Variants in MGAT4C observed in about 807,000 individuals in gnomAD.
MGAT4C encodes the protein alpha-1,3-mannosyl-glycoprotein 4-beta-N-acetylglucosaminyltransferase C.
MGAT4C carries 19 observed loss-of-function variants against 40.1 expected under a neutral mutation model. The ratio of observed to expected loss-of-function variants is 0.47; its 90% CI spans 0.33 to 0.70. The LOEUF is 0.70. Among genes scored for constraint, MGAT4C ranks in the 30% least tolerant of loss-of-function variants. The probability of loss-of-function intolerance (pLI) is 0.02; values close to 1 mark genes in which losing one functional copy is unlikely to be tolerated. For missense variants in MGAT4C, 491 were observed against 563.2 expected, an observed-to-expected ratio of 0.87 and a Z score of 1.30; for synonymous variants, 181 against 187.1, an observed-to-expected ratio of 0.97 and a Z score of 0.27.
intron 2 of MGAT4C, among the ~76,000 whole-genome samples, chr12:86,653,265 A>G (rs953338829): frequency 6.6e-6 from 1 of 151,872 alleles, no homozygotes; most frequent in East Asian, 1.9e-4. Context: ...GGTCCAGGGC[A>G]GCTGTATTTC....
chr12:86,423,296 CTATGAAGCAATATTATTAT>C (rs957293344), intron 3 of MGAT4C, among the ~76,000 whole-genome samples: 1 of 151,516 alleles, frequency 6.6e-6, no homozygotes, highest in Non-Finnish European at 1.5e-5. Context: ...ATTTTGACAT[CTATGAAGCAATATTATTAT>C]TATTGTCATT....
intron 4 of MGAT4C, among the ~76,000 whole-genome samples, chr12:86,262,387 T>G (rs990196462): frequency 6.6e-6 from 1 of 152,158 alleles, no homozygotes; most frequent in Non-Finnish European, 1.5e-5. Flanking sequence ...TACTTTTCTA[T>G]GCATGCCATC....
intron 3 of MGAT4C, among the ~76,000 whole-genome samples, chr12:86,377,200 C>T (rs563835408): frequency 6.6e-6 from 1 of 151,856 alleles, no homozygotes. Context: ...GCTGGGATTA[C>T]AGGCATTCGC....
At chr12:86,593,168 C>T (rs1042098804) in intron 2 of MGAT4C, among the ~76,000 whole-genome samples, 6 of 151,826 alleles carry the variant, frequency 4.0e-5, no homozygotes, top group Non-Finnish European at 7.4e-5. Flanking sequence ...TACTGACATA[C>T]AATTGTTCAT....
At chr12:86,291,427 G>C (rs1054203150) in intron 4 of MGAT4C, among the ~76,000 whole-genome samples, 11 of 152,096 alleles carry the variant, frequency 7.2e-5, no homozygotes, top group Admixed American at 2.6e-4. Flanking sequence ...ACTAAATTTG[G>C]TTTTCTTAAC....
At chr12:86,270,446 C>T (rs909370836) in intron 4 of MGAT4C, among the ~76,000 whole-genome samples, 2 of 152,114 alleles carry the variant, frequency 1.3e-5, no homozygotes, top group African/African-American at 4.8e-5. Flanking sequence ...CCCCTAGCAA[C>T]CACAATTCTA....
At chr12:86,099,381 C>T (rs1393559592) in intron 1 of MGAT4C, among the ~76,000 whole-genome samples, 2 of 94,926 alleles carry the variant, frequency 2.1e-5, no homozygotes, top group Non-Finnish European at 4.6e-5. Flanking sequence ...TAATTTCTTT[C>T]TTTTGGGGGG....
intron 1 of MGAT4C, among the ~76,000 whole-genome samples, chr12:86,835,039 G>A (rs572058059): frequency 6.6e-6 from 1 of 151,678 alleles, no homozygotes; most frequent in East Asian, 1.9e-4. Flanking sequence ...ATTTGGAAAC[G>A]TACAAAATTT....
At chr12:86,173,884 T>A (rs1887112283) in intron 1 of MGAT4C, among the ~76,000 whole-genome samples, 1 of 152,014 alleles carries the variant, frequency 6.6e-6, no homozygotes, top group Admixed American at 6.6e-5. Flanking sequence ...TGTATTGGGT[T>A]TTTCCTTCTT....
chr12:86,566,566 A>ATG (rs1565853531), intron 2 of MGAT4C, among the ~76,000 whole-genome samples: 86 of 122,890 alleles, frequency 7.0e-4, no homozygotes, highest in African/African-American at 2.0e-3. Flanking sequence ...ATATATATAT[A>ATG]TATATATATG....
intron 1 of MGAT4C, among the ~76,000 whole-genome samples, chr12:86,748,197 G>C (rs1565962904): frequency 1.3e-5 from 2 of 151,464 alleles, no homozygotes; most frequent in Non-Finnish European, 3.0e-5. Flanking sequence ...CTAAGTAGTT[G>C]ACTACTAAGG....
intron 3 of MGAT4C, among the ~76,000 whole-genome samples, chr12:86,353,803 C>A (rs1230366415): frequency 6.6e-6 from 1 of 152,168 alleles, no homozygotes; most frequent in Non-Finnish European, 1.5e-5. Context: ...CTCTGCCTCT[C>A]TCTCTCTCTT....
intron 1 of MGAT4C, among the ~76,000 whole-genome samples, chr12:86,241,328 C>A (rs2136045377): frequency 6.6e-6 from 1 of 152,212 alleles, no homozygotes; most frequent in African/African-American, 2.4e-5. Flanking sequence ...CTTTTCTCAT[C>A]CCATCTTTAC....
chr12:86,633,970 G>T (rs184514020), intron 2 of MGAT4C, among the ~76,000 whole-genome samples: 1 of 151,898 alleles, frequency 6.6e-6, no homozygotes, highest in Non-Finnish European at 1.5e-5. Flanking sequence ...CCTTCCCATG[G>T]GTGTTTCTAA....
chr12:85,955,997 A>G lies in MGAT4C; in HGVS notation c.*23292T>C, dbSNP rs556788302. ...TGGTATTTTTGATGAAATTAAGTCC[A>G]TGAATACATATAGTAAAATGTAGAG... On this transcript the variant is annotated 3_prime_UTR_variant, in exon 5 of 5. Transcript: ENST00000611864. 7.9e-5 allele frequency: 12 copies of G among 152,352 alleles called. No homozygotes were observed. Among genetic ancestry groups the G allele is most frequent in the African/African-American group, 1.9e-4 (8 of 41,588 alleles). The allele number at this position is 152,352 out of a possible 1,614,324, so 9.4% of individuals were successfully genotyped here. A position where few individuals can be genotyped will look rare whatever the true frequency, so the allele number is the denominator to read the frequency against.
At chr12:85,984,158 A>G (rs958658047) in intron 3 of MGAT4C, among the ~76,000 whole-genome samples, 3 of 152,226 alleles carry the variant, frequency 2.0e-5, no homozygotes, top group African/African-American at 4.8e-5. Context: ...AGGAATGATT[A>G]GGAAGATGCA....
At chr12:86,008,281 T>C (rs1888100561) in intron 2 of MGAT4C, among the ~76,000 whole-genome samples, 1 of 152,046 alleles carries the variant, frequency 6.6e-6, no homozygotes, top group Non-Finnish European at 1.5e-5. Flanking sequence ...AATACATTTT[T>C]CTCAACATGG....
intron 2 of MGAT4C, among the ~76,000 whole-genome samples, chr12:86,529,001 A>G (rs1179377800): frequency 6.6e-6 from 1 of 152,064 alleles, no homozygotes; most frequent in Non-Finnish European, 1.5e-5. Flanking sequence ...AAGAATATTC[A>G]AAGTAAAATA....
chr12:86,703,997 C>A (rs1048149052), intron 2 of MGAT4C, among the ~76,000 whole-genome samples: 14 of 152,100 alleles, frequency 9.2e-5, no homozygotes, highest in African/African-American at 3.1e-4. Context: ...CTGTTTTAGA[C>A]CACAATTTGC....
Sources: allele counts gnomAD v4.1 joint callset (sites outside exome capture counted in the v4.1 genomes callset), GRCh38; gene constraint gnomAD v4.1.1; transcripts MANE v1.5; gene names NCBI Gene and HGNC (gene_info 2026-07-23, HGNC 2026-07-21).